The following SMIM45 variants were observed in gnomAD, a reference collection of about 807,000 sequenced individuals.
SMIM45 encodes the protein small integral membrane protein 45, also known as long intergenic non-protein coding RNA 634.
the SMIM45 span, chr22:41,947,199 G>C: frequency 8.1e-6 from 7 of 863,398 alleles, no homozygotes; most frequent in African/African-American, 1.7e-5. Context: ...TTCGCGGGAC[G>C]GGACGGGGCC....
the SMIM45 span, among the ~76,000 whole-genome samples, chr22:41,948,286 C>G: frequency 6.6e-6 from 1 of 152,126 alleles, no homozygotes; most frequent in Non-Finnish European, 1.5e-5. Context: ...TCCATTCATT[C>G]TCAGCAGTCA....
At chr22:41,953,342 TTCCA>T in the SMIM45 span, among the ~76,000 whole-genome samples, 86 of 152,248 alleles carry the variant, frequency 5.6e-4, no homozygotes, top group African/African-American at 2.0e-3. Context: ...CTGGAGTTCT[TTCCA>T]TCCATCCCCC....
the SMIM45 span, chr22:41,952,416 C>G: frequency 6.6e-6 from 1 of 152,444 alleles, no homozygotes; most frequent in Non-Finnish European, 1.5e-5. Flanking sequence ...ATCTGCAGGG[C>G]GTGAGGTGGG....
At chr22:41,957,313 C>G in the SMIM45 span, among the ~76,000 whole-genome samples, 2 of 150,740 alleles carry the variant, frequency 1.3e-5, no homozygotes, top group Admixed American at 1.3e-4. Flanking sequence ...CCTGCGTCAG[C>G]CTCCGGAGTA....
chr22:41,958,132 C>T, the SMIM45 span: 6 of 348,862 alleles, frequency 1.7e-5, no homozygotes, highest in Non-Finnish European at 3.5e-5. Context: ...CACCCAGAGC[C>T]CACCCTCCCA....
the SMIM45 span, among the ~76,000 whole-genome samples, chr22:41,947,556 C>T: frequency 6.6e-6 from 1 of 151,704 alleles, no homozygotes; most frequent in East Asian, 1.9e-4. Flanking sequence ...TTAGTAGAGA[C>T]GGGGTTTCTC....
At chr22:41,951,864 C>T in the SMIM45 span, among the ~76,000 whole-genome samples, 1 of 152,218 alleles carries the variant, frequency 6.6e-6, no homozygotes, top group Non-Finnish European at 1.5e-5. Flanking sequence ...TCCCTGCTCC[C>T]CAAATGGCAG....
the SMIM45 span, among the ~76,000 whole-genome samples, chr22:41,948,761 A>T: frequency 2.6e-5 from 4 of 152,106 alleles, no homozygotes; most frequent in Admixed American, 2.0e-4. Flanking sequence ...CTACAAAAAA[A>T]TTTTTAAATT....
At chr22:41,953,227 C>T in the SMIM45 span, among the ~76,000 whole-genome samples, 1 of 152,200 alleles carries the variant, frequency 6.6e-6, no homozygotes, top group Non-Finnish European at 1.5e-5. Context: ...TTTCCCTCCC[C>T]TGGGGCCACA....
the SMIM45 span, among the ~76,000 whole-genome samples, chr22:41,955,874 G>A: frequency 6.6e-6 from 1 of 151,356 alleles, no homozygotes. Flanking sequence ...CCATTTTACA[G>A]ATAAGGAAAC....
the SMIM45 span, among the ~76,000 whole-genome samples, chr22:41,953,740 GTT>G: frequency 5.9e-4 from 53 of 89,294 alleles, no homozygotes; most frequent in Non-Finnish European, 1.1e-3. Context: ...TCTGTGATCT[GTT>G]TTTTTTTTTT....
chr22:41,951,958 T>C, the SMIM45 span, among the ~76,000 whole-genome samples: 1 of 152,134 alleles, frequency 6.6e-6, no homozygotes. Flanking sequence ...GCTGGGTGAT[T>C]CCCCCTCCCC....
At chr22:41,947,019 C>G in the SMIM45 span, 5 of 1,612,822 alleles carry the variant, frequency 3.1e-6, no homozygotes, top group Admixed American at 5.0e-5. Flanking sequence ...CCTGCACCTA[C>G]CAAGATGGTG....
At chr22:41,955,606 A>G in the SMIM45 span, among the ~76,000 whole-genome samples, 1 of 151,954 alleles carries the variant, frequency 6.6e-6, no homozygotes, top group Non-Finnish European at 1.5e-5. Context: ...GGAGATCAAG[A>G]CCATCCTGGC....
the SMIM45 span, among the ~76,000 whole-genome samples, chr22:41,956,875 AC>A: frequency 4.0e-5 from 6 of 151,724 alleles, no homozygotes; most frequent in Non-Finnish European, 7.4e-5. Context: ...TGCAACCTCC[AC>A]CTCCCAGGTT....
the SMIM45 span, among the ~76,000 whole-genome samples, chr22:41,956,817 G>A: frequency 6.6e-6 from 1 of 152,200 alleles, no homozygotes; most frequent in Non-Finnish European, 1.5e-5. Context: ...TCATGGTTAA[G>A]TCGCTCTGTT....
the SMIM45 span, among the ~76,000 whole-genome samples, chr22:41,951,790 C>A: frequency 6.6e-6 from 1 of 152,150 alleles, no homozygotes; most frequent in African/African-American, 2.4e-5. Context: ...TAACATATGA[C>A]CCCCTTGAGC....
chr22:41,954,108 C>T, the SMIM45 span, among the ~76,000 whole-genome samples: 1 of 151,652 alleles, frequency 6.6e-6, no homozygotes, highest in Non-Finnish European at 1.5e-5. Flanking sequence ...ATAACAAGTG[C>T]TACATAGTAA....
chr22:41,948,834 G>A, the SMIM45 span, among the ~76,000 whole-genome samples: 4 of 152,126 alleles, frequency 2.6e-5, no homozygotes, highest in Admixed American at 6.6e-5. Context: ...AGGCCGAGGC[G>A]GGCGGATCAC....
Sources: allele counts gnomAD v4.1 joint callset (sites outside exome capture counted in the v4.1 genomes callset), GRCh38; gene constraint gnomAD v4.1.1; transcripts MANE v1.5; gene names NCBI Gene and HGNC (gene_info 2026-07-23, HGNC 2026-07-21).